NXPE1: variants seen among roughly 807,000 people sequenced by gnomAD.
The protein encoded by NXPE1 is neurexophilin and PC-esterase domain family member 1.
A neutral mutation model predicts 33.3 loss-of-function variants in NXPE1; 31 were observed. The observed-to-expected ratio is 0.93, with a 90% CI of 0.70 to 1.26. The LOEUF is 1.26. NXPE1 is among the 50% of genes most tolerant of loss of function. The probability of loss-of-function intolerance (pLI) is 0.00; values close to 1 mark genes in which losing one functional copy is unlikely to be tolerated. For synonymous variants in NXPE1, 229 were observed against 231.4 expected (o/e 0.99, Z 0.09); for missense variants, 661 against 655.6 (o/e 1.01, Z -0.09).
chr11:114,523,317 C>A (rs1025105010), intron 7 of NXPE1, among the ~76,000 whole-genome samples: 1 of 151,972 alleles, frequency 6.6e-6, no homozygotes, highest in Admixed American at 6.6e-5. Context: ...AATTCCTTTC[C>A]TCCTAAATTT....
chr11:114,554,167 A>C (rs918989607), intron 1 of NXPE1: 37 of 985,300 alleles, frequency 3.8e-5, no homozygotes, highest in Non-Finnish European at 4.1e-5. Context: ...AGAGCCCGCT[A>C]GTTGTCTCTT....
chr11:114,527,618 T>C (rs1040995194), intron 7 of NXPE1, among the ~76,000 whole-genome samples: 1 of 152,200 alleles, frequency 6.6e-6, no homozygotes, highest in African/African-American at 2.4e-5. Context: ...TAAACACGAA[T>C]GTAGATACTA....
At chr11:114,537,887 C>T (rs1234912545) in intron 5 of NXPE1, among the ~76,000 whole-genome samples, 1 of 152,082 alleles carries the variant, frequency 6.6e-6, no homozygotes, top group African/African-American at 2.4e-5. Flanking sequence ...ATGCCATCCC[C>T]ATCAAGCTAC....
chr11:114,522,131 T>G, exon 9 of NXPE1: 1 of 1,614,124 alleles, frequency 6.2e-7, no homozygotes, highest in African/African-American at 1.3e-5. Flanking sequence ...AATATAACCA[T>G]GGAAGTCTCC....
At chr11:114,544,375 A>G (rs540627421) in intron 5 of NXPE1, among the ~76,000 whole-genome samples, 1 of 152,358 alleles carries the variant, frequency 6.6e-6, no homozygotes, top group African/African-American at 2.4e-5. Context: ...TGGTGAAAGA[A>G]TGAACAGATT....
intron 5 of NXPE1, among the ~76,000 whole-genome samples, chr11:114,550,291 G>T (rs1055375011): frequency 5.9e-5 from 9 of 152,096 alleles, no homozygotes; most frequent in Admixed American, 2.0e-4. Flanking sequence ...AAAGTGTTGG[G>T]TGTGGGTGGG....
At chr11:114,519,025 C>G (rs1270997658), downstream of NXPE1, among the ~76,000 whole-genome samples, 3 of 152,090 alleles carry the variant, frequency 2.0e-5, no homozygotes, top group Admixed American at 6.6e-5. Context: ...ATTTCCTTTT[C>G]TTATAAGACC....
At chr11:114,522,587 C>T in intron 8 of NXPE1, 84 bp from the exon 9 acceptor site, 1 of 1,197,034 alleles carries the variant, frequency 8.4e-7, no homozygotes, top group Non-Finnish European at 1.1e-6. Context: ...TTAAAATACC[C>T]ACCCTACCTA....
At chr11:114,555,094 C>T (rs1229368077) in intron 1 of NXPE1, among the ~76,000 whole-genome samples, 1 of 150,950 alleles carries the variant, frequency 6.6e-6, no homozygotes, top group Non-Finnish European at 1.5e-5. Flanking sequence ...TTAAGTATCT[C>T]TTCAATTTGT....
chr11:114,545,870 T>A (rs1227893158), intron 5 of NXPE1, among the ~76,000 whole-genome samples: 1 of 151,900 alleles, frequency 6.6e-6, no homozygotes, highest in Non-Finnish European at 1.5e-5. Flanking sequence ...TGTATTTTTT[T>A]AATAGAGATG....
chr11:114,532,475 A>G (rs1947619679), intron 5 of NXPE1, among the ~76,000 whole-genome samples: 1 of 152,200 alleles, frequency 6.6e-6, no homozygotes, highest in South Asian at 2.1e-4. Context: ...GAATAAGAAT[A>G]TAATCATCAT....
At chr11:114,553,529 A>G (rs1948574385) in intron 1 of NXPE1, among the ~76,000 whole-genome samples, 1 of 152,192 alleles carries the variant, frequency 6.6e-6, no homozygotes, top group South Asian at 2.1e-4. Context: ...TTGGAAATTT[A>G]TTAACCCCAT....
At chr11:114,530,140 G>A (rs574509279) in intron 6 of NXPE1, 35 bp downstream of exon 6, 2 of 1,549,894 alleles carry the variant, frequency 1.3e-6, no homozygotes, top group African/African-American at 2.7e-5. Context: ...ACTTCTCAGG[G>A]GACACTTCTC....
At position 114,527,905 on chromosome 11, in the gene NXPE1, C is replaced by A. The variant is rs76450715; in HGVS notation, c.834-4G>T. 1.2e-5 allele frequency: 18 copies of A among 1,486,944 alleles called. No individual in the cohort carries two copies. Among genetic ancestry groups the A allele is most frequent in the East Asian group, 2.5e-5 (1 of 39,816 alleles). The allele number at this position is 1,486,944 out of a possible 1,614,324, so 92.1% of individuals were successfully genotyped here. On this transcript the variant is annotated splice_polypyrimidine_tract_variant and splice_region_variant and intron_variant, in intron 6 of 8. Transcript: ENST00000534921. Reference sequence around the variant, plus strand: ...CATTTCAACTCCCACTTTGGACCTTCAAAAAAAAAATAGAACAATAAATTA... The same window carrying A: ...CATTTCAACTCCCACTTTGGACCTTAAAAAAAAAAATAGAACAATAAATTA...
At chr11:114,522,470 A>T in exon 9 of NXPE1, 1 of 1,607,328 alleles carries the variant, frequency 6.2e-7, no homozygotes, top group Non-Finnish European at 8.5e-7. Flanking sequence ...TTTCTTAAAG[A>T]TTCCAGTTTC....
intron 7 of NXPE1, among the ~76,000 whole-genome samples, chr11:114,524,578 G>A (rs1249131294): frequency 6.6e-6 from 1 of 152,074 alleles, no homozygotes; most frequent in African/African-American, 2.4e-5. Context: ...ATATTGATGG[G>A]TTTCTATGAG....
At chr11:114,535,940 C>A (rs1947804740) in intron 5 of NXPE1, among the ~76,000 whole-genome samples, 1 of 152,162 alleles carries the variant, frequency 6.6e-6, no homozygotes, top group South Asian at 2.1e-4. Flanking sequence ...ACCTAATAGA[C>A]ATCTACAGAA....
intron 5 of NXPE1, among the ~76,000 whole-genome samples, chr11:114,547,420 G>T (rs1431130046): frequency 1.3e-5 from 2 of 152,192 alleles, no homozygotes; most frequent in African/African-American, 4.8e-5. Context: ...AACAAGGAAA[G>T]TCTAAAGAGA....
intron 6 of NXPE1, chr11:114,529,020 A>C (rs1591261899): frequency 4.9e-6 from 2 of 411,502 alleles, no homozygotes; most frequent in East Asian, 6.7e-5. Flanking sequence ...AACTTGGATA[A>C]TGAGGTAAGA....
Sources: gnomAD v4.1 joint callset for allele counts (sites outside exome capture counted in the v4.1 genomes callset) on GRCh38, gnomAD v4.1.1 for gene constraint, MANE v1.5 for transcripts, NCBI Gene and HGNC (gene_info 2026-07-23, HGNC 2026-07-21) for gene names.